Variants in PSMA1 observed in about 807,000 individuals in gnomAD.
The protein encoded by PSMA1 is proteasome subunit alpha type-1.
PSMA1 carries 3 observed loss-of-function variants against 38.4 expected under a neutral mutation model. That is an observed-to-expected ratio of 0.08 (90% CI 0.04 to 0.20). The LOEUF (loss-of-function observed/expected upper bound fraction) is 0.20. PSMA1 is among the 10% of genes least tolerant of loss of function. The pLI is 1.00. For missense variants in PSMA1, 227 were observed against 325.3 expected (o/e 0.70, Z 2.32); for synonymous variants, 101 against 107.1 (o/e 0.94, Z 0.35).
At chr11:14,530,778 T>C (rs1174787696) in intron 2 of PSMA1, among the ~76,000 whole-genome samples, 2 of 151,874 alleles carry the variant, frequency 1.3e-5, no homozygotes, top group African/African-American at 4.8e-5. Flanking sequence ...GGTGCACGCC[T>C]GTAATCCTAG....
chr11:14,602,870 G>T (rs768427972), intron 2 of PSMA1, among the ~76,000 whole-genome samples: 12 of 152,100 alleles, frequency 7.9e-5, no homozygotes, highest in Non-Finnish European at 1.6e-4. Context: ...CGTGAGTTCC[G>T]CTCAGAAAGA....
chr11:14,544,227 G>A (rs1197315707), intron 2 of PSMA1, among the ~76,000 whole-genome samples: 1 of 152,030 alleles, frequency 6.6e-6, no homozygotes, highest in Non-Finnish European at 1.5e-5. Flanking sequence ...ACAAGGTTTT[G>A]CCATGTTTGC....
At chr11:14,628,409 A>T (rs1852947389) in intron 1 of PSMA1, among the ~76,000 whole-genome samples, 1 of 145,586 alleles carries the variant, frequency 6.9e-6, no homozygotes, top group Non-Finnish European at 1.5e-5. Flanking sequence ...GAGTGAGAAT[A>T]TGCGGTGTTT....
intron 2 of PSMA1, among the ~76,000 whole-genome samples, chr11:14,539,032 T>G (rs2134163460): frequency 6.6e-6 from 1 of 152,370 alleles, no homozygotes; most frequent in South Asian, 2.1e-4. Flanking sequence ...TAAAAGTACC[T>G]TTGGAAATCT....
At chr11:14,533,600 T>C (rs1290455403) in intron 2 of PSMA1, among the ~76,000 whole-genome samples, 1 of 148,294 alleles carries the variant, frequency 6.7e-6, no homozygotes, top group Non-Finnish European at 1.5e-5. Flanking sequence ...TTTTTTTTAA[T>C]AGAAACGGGG....
At chr11:14,597,613 C>T (rs1230623584) in intron 2 of PSMA1, among the ~76,000 whole-genome samples, 8 of 152,042 alleles carry the variant, frequency 5.3e-5, no homozygotes, top group African/African-American at 1.9e-4. Flanking sequence ...TTTTTTATTG[C>T]ATCTATTTGA....
chr11:14,557,891 A>G (rs1851959015), intron 2 of PSMA1, among the ~76,000 whole-genome samples: 1 of 152,172 alleles, frequency 6.6e-6, no homozygotes, highest in Non-Finnish European at 1.5e-5. Flanking sequence ...TTCCATCTTC[A>G]GAGACATCTG....
intron 1 of PSMA1, among the ~76,000 whole-genome samples, chr11:14,627,391 T>C (rs757412891): frequency 9.2e-5 from 14 of 152,180 alleles, no homozygotes; most frequent in Non-Finnish European, 2.1e-4. Context: ...TCGGGTTTAA[T>C]GAATCAGAAT....
intron 1 of PSMA1, among the ~76,000 whole-genome samples, chr11:14,631,852 G>C (rs1429850639): frequency 2.0e-5 from 3 of 150,732 alleles, no homozygotes; most frequent in South Asian, 2.1e-4. Context: ...TGGTGCTCCT[G>C]TATTGGGTGC....
intron 1 of PSMA1, among the ~76,000 whole-genome samples, chr11:14,632,531 G>T (rs1419256170): frequency 4.0e-5 from 6 of 150,212 alleles, no homozygotes; most frequent in African/African-American, 1.5e-4. Flanking sequence ...TCTGCCGAGA[G>T]ATCCGCTGTT....
At chr11:14,532,963 A>T (rs748269728) in intron 2 of PSMA1, among the ~76,000 whole-genome samples, 1 of 152,252 alleles carries the variant, frequency 6.6e-6, no homozygotes, top group Non-Finnish European at 1.5e-5. Flanking sequence ...ACTATATTGT[A>T]CTAGGTAGTG....
chr11:14,510,473 A>G (rs1851326449), intron 8 of PSMA1, among the ~76,000 whole-genome samples: 1 of 152,112 alleles, frequency 6.6e-6, no homozygotes, highest in South Asian at 2.1e-4. Flanking sequence ...TAATGTACTT[A>G]TGTATATACT....
chr11:14,571,833 T>C lies in PSMA1; in HGVS notation c.21+39133A>G, dbSNP rs187173150. Among the ~76,000 whole-genome samples the C allele has an allele frequency of 1.2e-4, 18 of 150,834 alleles. 1 individual carries two copies. The East Asian group carries it at 3.3e-3, about 28-fold the overall frequency. On this transcript the variant is annotated intron_variant, in intron 2 of 10. Coordinates refer to the PSMA1 transcript ENST00000418988. ...GATGGAGGAAGATCTACCAAGCAAA[T>C]GGAAAACAAAAAAAAAGCAGGGTTG...
chr11:14,510,385 C>G (rs973526230), intron 8 of PSMA1, among the ~76,000 whole-genome samples: 1 of 152,192 alleles, frequency 6.6e-6, no homozygotes, highest in Non-Finnish European at 1.5e-5. Flanking sequence ...CACCTACCTA[C>G]ATCCAATTGG....
chr11:14,604,644 G>A (rs544707078), intron 2 of PSMA1, among the ~76,000 whole-genome samples: 1 of 152,140 alleles, frequency 6.6e-6, no homozygotes, highest in East Asian at 1.9e-4. Context: ...TGAGGTTTGG[G>A]GTATGAATAA....
Position 14,530,881 on chromosome 11 carries a change from G to A in PSMA1, c.22-11840C>T, listed in dbSNP as rs552579928. Among the ~76,000 whole-genome samples, 25 of 128,330 alleles carry A rather than the reference G, an allele frequency of 1.9e-4. No homozygotes were observed. The South Asian group carries it at 3.9e-3, about 20-fold the overall frequency. 84.2% of individuals were successfully genotyped at this position (128,330 alleles called of 152,430 possible). The stretch of plus-strand genomic sequence containing the variant: ...CACTCCACTGCACTCTAGCTTGGGC[G>A]ACAGGTCAAGACTCCGTCTCAAAAA... On this transcript the variant is annotated intron_variant, in intron 2 of 10. Transcript: ENST00000418988.
At chr11:14,512,411 T>C (rs1237783198) in intron 7 of PSMA1, among the ~76,000 whole-genome samples, 3 of 151,852 alleles carry the variant, frequency 2.0e-5, no homozygotes, top group African/African-American at 7.3e-5. Flanking sequence ...CCTAAATAAA[T>C]GAAGATATTC....
chr11:14,572,784 G>A (rs1009251106), intron 2 of PSMA1, among the ~76,000 whole-genome samples: 1 of 151,886 alleles, frequency 6.6e-6, no homozygotes, highest in African/African-American at 2.4e-5. Flanking sequence ...TAATAAAGAA[G>A]AAAAGAGAGA....
chr11:14,643,593 T>A (rs1853252023), exon 1 of PSMA1: 1 of 149,102 alleles, frequency 6.7e-6, no homozygotes, highest in Admixed American at 6.6e-5. Context: ...CTGGGCACGC[T>A]GGGTCGGCGT....
Sources: allele counts gnomAD v4.1 joint callset (sites outside exome capture counted in the v4.1 genomes callset), GRCh38; gene constraint gnomAD v4.1.1; transcripts MANE v1.5; gene names NCBI Gene and HGNC (gene_info 2026-07-23, HGNC 2026-07-21).